Variants in CPEB3 observed in about 807,000 individuals in gnomAD.
CPEB3 encodes the protein cytoplasmic polyadenylation element binding protein 3.
CPEB3 carries 20 observed loss-of-function variants against 67.2 expected under a neutral mutation model. That is an observed-to-expected ratio of 0.30 (90% CI 0.21 to 0.43). The LOEUF is 0.43. Among genes scored for constraint, CPEB3 ranks in the 20% least tolerant of loss-of-function variants. The pLI, the probability that CPEB3 is intolerant of heterozygous loss-of-function variation, is 1.00. For synonymous variants in CPEB3, 376 were observed against 393.1 expected (o/e 0.96, Z 0.51); for missense variants, 746 against 968.6 (o/e 0.77, Z 3.05).
chr10:92,275,845 CTTTT>C (rs909549413), intron 1 of CPEB3, among the ~76,000 whole-genome samples: 8 of 92,968 alleles, frequency 8.6e-5, no homozygotes, highest in South Asian at 3.5e-4. Context: ...TCATTCTTTT[CTTTT>C]TTTTTTTTTT....
intron 3 of CPEB3, among the ~76,000 whole-genome samples, chr10:92,189,329 T>G (rs1848847978): frequency 6.6e-6 from 1 of 152,218 alleles, no homozygotes. Context: ...CTGAAAAATT[T>G]CAACATTTAG....
chr10:92,269,800 C>T (rs1333568709), intron 1 of CPEB3, among the ~76,000 whole-genome samples: 3 of 152,038 alleles, frequency 2.0e-5, no homozygotes, highest in Admixed American at 6.6e-5. Flanking sequence ...TCAGGTGATC[C>T]GCCCACCTCA....
intron 9 of CPEB3, among the ~76,000 whole-genome samples, chr10:92,071,106 C>CA (rs1842736647): frequency 6.9e-6 from 1 of 145,504 alleles, no homozygotes; most frequent in African/African-American, 2.5e-5. Flanking sequence ...CACACACACA[C>CA]ACTTCCTTCA....
intron 1 of CPEB3, among the ~76,000 whole-genome samples, chr10:92,274,097 C>T (rs1318422262): frequency 2.6e-5 from 4 of 152,216 alleles, no homozygotes; most frequent in Admixed American, 2.0e-4. Context: ...AGCCATGCCA[C>T]TTACTTGCTA....
At chr10:92,094,838 CACAG>C (rs1843785708) in intron 7 of CPEB3, among the ~76,000 whole-genome samples, 1 of 151,154 alleles carries the variant, frequency 6.6e-6, no homozygotes, top group Non-Finnish European at 1.5e-5. Context: ...CACACACACA[CACAG>C]AGATGTATCT....
intron 2 of CPEB3, among the ~76,000 whole-genome samples, chr10:92,220,095 C>T (rs1017398798): frequency 1.3e-5 from 2 of 151,856 alleles, no homozygotes; most frequent in African/African-American, 4.8e-5. Flanking sequence ...GTGGAGGTTG[C>T]GGTGAGCGGA....
chr10:92,151,376 A>C (rs1285273997), intron 4 of CPEB3, among the ~76,000 whole-genome samples: 1 of 152,178 alleles, frequency 6.6e-6, no homozygotes, highest in Admixed American at 6.5e-5. Flanking sequence ...TTTAAGAAAA[A>C]GGAATTATGA....
intron 8 of CPEB3, among the ~76,000 whole-genome samples, chr10:92,087,015 T>C (rs1843402578): frequency 6.6e-6 from 1 of 152,210 alleles, no homozygotes; most frequent in Non-Finnish European, 1.5e-5. Flanking sequence ...TTGAAAAACT[T>C]GATACAGGAT....
At chr10:92,273,523 GA>G (rs918594431) in intron 1 of CPEB3, among the ~76,000 whole-genome samples, 1 of 152,036 alleles carries the variant, frequency 6.6e-6, no homozygotes. Flanking sequence ...TACTTATGCT[GA>G]ATACCCATTC....
intron 2 of CPEB3, among the ~76,000 whole-genome samples, chr10:92,201,078 A>G (rs1849501153): frequency 6.6e-6 from 1 of 152,190 alleles, no homozygotes; most frequent in Non-Finnish European, 1.5e-5. Flanking sequence ...TTTTCCAGTC[A>G]ATGGTGTCTG....
At chr10:92,116,119 C>T (rs1001480658) in intron 6 of CPEB3, among the ~76,000 whole-genome samples, 6 of 150,770 alleles carry the variant, frequency 4.0e-5, no homozygotes, top group Non-Finnish European at 7.4e-5. Context: ...CACTGTATGT[C>T]CAAGGCATAA....
rs571996931 is a variant in CPEB3, at chr10:92,081,505, C to G, written c.1688-4G>C. The stretch of plus-strand genomic sequence containing the variant: ...TCCATGATCATTGCCAGTTCAACTG[C>G]AAAAAAAAAACAAAACATGGATGTG... On this transcript the variant is annotated splice_region_variant and splice_polypyrimidine_tract_variant and intron_variant, in intron 8 of 9. Coordinates refer to ENST00000265997, the MANE Select transcript of CPEB3 (RefSeq NM_014912.5). 49 of 1,352,514 alleles carry G rather than the reference C, an allele frequency of 3.6e-5. No individual in the cohort carries two copies. The South Asian group carries it at 6.6e-4, about 18-fold the overall frequency. The allele number at this position is 1,352,514 out of a possible 1,614,324, so 83.8% of individuals were successfully genotyped here. A position where few individuals can be genotyped will look rare whatever the true frequency, so the allele number is the denominator to read the frequency against.
chr10:92,173,212 G>C (rs1288011880), intron 4 of CPEB3, among the ~76,000 whole-genome samples: 1 of 152,196 alleles, frequency 6.6e-6, no homozygotes, highest in Non-Finnish European at 1.5e-5. Flanking sequence ...GTGAAGTCCA[G>C]TTTCCACTGC....
chr10:92,207,983 C>T (rs1849874931), intron 2 of CPEB3, among the ~76,000 whole-genome samples: 1 of 152,142 alleles, frequency 6.6e-6, no homozygotes, highest in African/African-American at 2.4e-5. Flanking sequence ...TTTGATAGTC[C>T]TGTTGTTGGC....
intron 9 of CPEB3, among the ~76,000 whole-genome samples, chr10:92,054,558 G>A (rs935776228): frequency 1.1e-4 from 16 of 151,636 alleles, no homozygotes; most frequent in East Asian, 1.9e-4. Context: ...CCCTGCCTCC[G>A]CCTCCCAAGT....
At chr10:92,233,978 G>A (rs563494759) in intron 2 of CPEB3, among the ~76,000 whole-genome samples, 9 of 152,020 alleles carry the variant, frequency 5.9e-5, no homozygotes, top group South Asian at 2.1e-4. Context: ...ATGGTGGCAC[G>A]TGCCTGTAGT....
In CPEB3 at chr10:92,098,160, TAAAAAAAAAAAAAAAAAAAAAA is replaced by T. The variant is rs1166249584; in HGVS notation, c.1573-6238_1573-6217del. 5.5e-4 allele frequency among the ~76,000 whole-genome samples: 20 copies of T among 36,126 alleles called. No homozygotes were observed. The South Asian group carries it at 0.027, about 49-fold the overall frequency. 23.7% of individuals were successfully genotyped at this position (36,126 alleles called of 152,430 possible). On this transcript the variant is annotated intron_variant, in intron 7 of 9. Coordinates refer to ENST00000265997, the MANE Select transcript of CPEB3 (RefSeq NM_014912.5). ...TGGGCAACAAGAGTGACACTCTGCCTAAAAAAAAAAAAAAAAAAAAAAAAAAAAAAAAAAAAAAAATCTGTTC... is the reference window on the plus strand; with the variant it reads ...TGGGCAACAAGAGTGACACTCTGCCTAAAAAAAAAAAAAAAAAATCTGTTC...
intron 1 of CPEB3, among the ~76,000 whole-genome samples, chr10:92,248,469 C>T (rs1421316683): frequency 2.0e-5 from 3 of 152,176 alleles, no homozygotes; most frequent in African/African-American, 7.2e-5. Flanking sequence ...TCCTTCCCTA[C>T]TTACATCCCT....
rs547751178 is a variant in CPEB3 at position 92,101,745 on chromosome 10, T to TA, written c.1572+9330dup. Among the ~76,000 whole-genome samples, 5 of 152,148 alleles carry TA rather than the reference T, an allele frequency of 3.3e-5. No homozygotes were observed. The East Asian group carries it at 5.8e-4, about 18-fold the overall frequency. On this transcript the variant is annotated intron_variant, in intron 7 of 9. Coordinates refer to ENST00000265997, the MANE Select transcript of CPEB3 (RefSeq NM_014912.5). ...AACTTGGTGAAACCCCCATCTCTAC[T>TA]AAAAATACAAAAATTAGCTGGGCGT...
Sources: allele counts gnomAD v4.1 joint callset (sites outside exome capture counted in the v4.1 genomes callset), GRCh38; gene constraint gnomAD v4.1.1; transcripts MANE v1.5; gene names NCBI Gene and HGNC (gene_info 2026-07-23, HGNC 2026-07-21).